DACH2: variants seen among roughly 807,000 people sequenced by gnomAD.
DACH2 encodes the protein dachshund homolog 2.
DACH2 carries 17 observed loss-of-function variants against 35.8 expected under a neutral mutation model. That is an observed-to-expected ratio of 0.48 (90% CI 0.33 to 0.71). DACH2 has a LOEUF of 0.71. Ranked by LOEUF, DACH2 falls within the 30% of genes least tolerant of loss-of-function variation. The pLI, the probability that DACH2 is intolerant of heterozygous loss-of-function variation, is 0.02. For missense variants in DACH2, 469 were observed against 472.7 expected, an observed-to-expected ratio of 0.99 and a Z score of 0.07; for synonymous variants, 195 against 177.3, an observed-to-expected ratio of 1.10 and a Z score of -0.79.
At chrX:86,488,448 G>C (rs1036019063) in intron 2 of DACH2, among the ~76,000 whole-genome samples, 4 of 111,175 alleles carry the variant, frequency 3.6e-5, no homozygotes, top group Non-Finnish European at 7.6e-5. Flanking sequence ...ACATAGCATA[G>C]TGAGTCAGTG....
At chrX:86,661,594 C>A (rs1369993888) in intron 4 of DACH2, among the ~76,000 whole-genome samples, 1 of 111,977 alleles carries the variant, frequency 8.9e-6, no homozygotes, top group African/African-American at 3.2e-5. Context: ...TGTTCATGGC[C>A]ATTTGGGTTG....
At chrX:86,180,141 A>G (rs2031429962) in intron 1 of DACH2, among the ~76,000 whole-genome samples, 1 of 91,340 alleles carries the variant, frequency 1.1e-5, no homozygotes, top group Non-Finnish European at 2.2e-5. Context: ...ATGATAAACA[A>G]TACTATTAAT....
intron 7 of DACH2, among the ~76,000 whole-genome samples, chrX:86,767,189 A>G (rs765021644): frequency 1.8e-5 from 2 of 111,976 alleles, no homozygotes; most frequent in African/African-American, 3.2e-5. Flanking sequence ...GGGGAAATCA[A>G]TATCACTGAG....
At chrX:86,708,737 A>G (rs962772980) in intron 5 of DACH2, among the ~76,000 whole-genome samples, 4 of 111,289 alleles carry the variant, frequency 3.6e-5, no homozygotes, top group African/African-American at 1.3e-4. Flanking sequence ...CCACTACACA[A>G]TATATCCATG....
intron 2 of DACH2, among the ~76,000 whole-genome samples, chrX:86,453,743 A>G (rs1340090849): frequency 4.5e-5 from 5 of 111,326 alleles, no homozygotes; most frequent in Non-Finnish European, 9.4e-5. Flanking sequence ...ATAGCATACC[A>G]GTGGGTCTTG....
chrX:86,692,594 A>C (rs1434365442), intron 4 of DACH2, among the ~76,000 whole-genome samples: 1 of 112,366 alleles, frequency 8.9e-6, no homozygotes, highest in Non-Finnish European at 1.9e-5. Context: ...AAACAGTTTT[A>C]AATTTATAAA....
Position 86,832,209 on chromosome X carries a change from C to A in DACH2, c.*54C>A. ...AGATGCTTGTGATTCCAGTTTATCTCTGAAACTATTCAACATGGAGTTATT... is the reference window on the plus strand; with the variant it reads ...AGATGCTTGTGATTCCAGTTTATCTATGAAACTATTCAACATGGAGTTATT... On this transcript the variant is annotated 3_prime_UTR_variant, in exon 12 of 12. Coordinates refer to ENST00000373125, the MANE Select transcript of DACH2 (RefSeq NM_053281.3). 1.1e-6 allele frequency: 1 copy of A among 943,170 alleles called. No homozygotes were observed. Among genetic ancestry groups the A allele is most frequent in the South Asian group, 2.1e-5 (1 of 47,725 alleles). 77.7% of individuals were successfully genotyped at this position (943,170 alleles called of 1,213,427 possible). A position where few individuals can be genotyped will look rare whatever the true frequency, so the allele number is the denominator to read the frequency against.
intron 1 of DACH2, among the ~76,000 whole-genome samples, chrX:86,166,904 C>T (rs1431433648): frequency 3.6e-5 from 4 of 111,334 alleles, no homozygotes; most frequent in East Asian, 2.8e-4. Context: ...TGCATCCCAG[C>T]GATAAATCCC....
intron 2 of DACH2, among the ~76,000 whole-genome samples, chrX:86,397,532 A>T (rs1312685438): frequency 2.3e-4 from 26 of 111,506 alleles, no homozygotes; most frequent in Non-Finnish European, 4.3e-4. Context: ...TGGGTTTGTC[A>T]TAGATAGGTC....
chrX:86,177,338 C>T (rs1188104981), intron 1 of DACH2, among the ~76,000 whole-genome samples: 2 of 111,710 alleles, frequency 1.8e-5, no homozygotes, highest in Non-Finnish European at 3.8e-5. Context: ...ATTTTTGACA[C>T]CTGCTGTTTT....
At chrX:86,767,742 G>T (rs1432642104) in intron 7 of DACH2, among the ~76,000 whole-genome samples, 2 of 111,651 alleles carry the variant, frequency 1.8e-5, no homozygotes, top group Non-Finnish European at 3.8e-5. Context: ...TCCATTCAAA[G>T]AACTAGGTGA....
Position 86,273,027 on chromosome X carries a change from T to A in DACH2, c.489-103797T>A, listed in dbSNP as rs377450544. 4.7e-4 allele frequency among the ~76,000 whole-genome samples: 52 copies of A among 111,499 alleles called. No individual in the cohort carries two copies. In the East Asian group the frequency reaches 5.4e-3, roughly 11 times the overall value. On this transcript the variant is annotated intron_variant, in intron 1 of 11. Coordinates refer to ENST00000373125, the MANE Select transcript of DACH2 (RefSeq NM_053281.3). ...TTGTTTCCTTCCTTTGTAAGAAAGA[T>A]GACAACCAAATGGGAGACATGCAAA...
intron 7 of DACH2, among the ~76,000 whole-genome samples, chrX:86,810,526 A>C (rs2042384805): frequency 8.9e-6 from 1 of 112,011 alleles, no homozygotes; most frequent in African/African-American, 3.2e-5. Context: ...TCAGTATAAA[A>C]GTACAGAACC....
intron 1 of DACH2, among the ~76,000 whole-genome samples, chrX:86,269,570 A>G (rs1039515910): frequency 1.8e-5 from 2 of 111,890 alleles, no homozygotes; most frequent in Non-Finnish European, 3.8e-5. Context: ...TAAAAGTGCA[A>G]GATCTGATAA....
chrX:86,500,869 T>C (rs2148256319), intron 2 of DACH2, among the ~76,000 whole-genome samples: 1 of 111,940 alleles, frequency 8.9e-6, no homozygotes, highest in South Asian at 3.7e-4. Context: ...ACCTTTTGCA[T>C]GCTTATTTCA....
At chrX:86,712,389 G>T (rs2041288996) in intron 5 of DACH2, among the ~76,000 whole-genome samples, 1 of 111,335 alleles carries the variant, frequency 9.0e-6, no homozygotes, top group Non-Finnish European at 1.9e-5. Context: ...ACATACAAAT[G>T]AGATTGTACA....
chrX:86,335,837 G>A (rs1056379995), intron 1 of DACH2, among the ~76,000 whole-genome samples: 1 of 111,866 alleles, frequency 8.9e-6, no homozygotes, highest in African/African-American at 3.3e-5. Flanking sequence ...GGTTGTCATA[G>A]GGCATGCTTC....
chrX:86,339,604 T>G (rs2035378817), intron 1 of DACH2, among the ~76,000 whole-genome samples: 1 of 111,561 alleles, frequency 9.0e-6, no homozygotes, highest in African/African-American at 3.3e-5. Flanking sequence ...TCAAATGACT[T>G]GCTCAAGGTC....
chrX:86,162,799 T>C (rs953175928), intron 1 of DACH2, among the ~76,000 whole-genome samples: 1 of 111,601 alleles, frequency 9.0e-6, no homozygotes, highest in African/African-American at 3.2e-5. Flanking sequence ...TTCTGTTTGA[T>C]TGATTCTAGC....
Sources: gnomAD v4.1 joint callset for allele counts (sites outside exome capture counted in the v4.1 genomes callset) on GRCh38, gnomAD v4.1.1 for gene constraint, MANE v1.5 for transcripts, NCBI Gene and HGNC (gene_info 2026-07-23, HGNC 2026-07-21) for gene names.